ZCCHC7: variants seen among roughly 807,000 people sequenced by gnomAD.
ZCCHC7 encodes the protein zinc finger CCHC-type containing 7.
A neutral mutation model predicts 52.0 loss-of-function variants in ZCCHC7; 35 were observed. That is an observed-to-expected ratio of 0.67 (90% CI 0.51 to 0.89). The LOEUF (loss-of-function observed/expected upper bound fraction) is 0.89, where lower values mean the gene tolerates loss of function less well. ZCCHC7 is among the 40% of genes least tolerant of loss of function. The pLI is 0.00. For synonymous variants in ZCCHC7, 217 were observed against 221.5 expected (o/e 0.98, Z 0.18); for missense variants, 574 against 649.1 (o/e 0.88, Z 1.26).
At chr9:37,190,970 C>A (rs1407356727) in intron 2 of ZCCHC7, among the ~76,000 whole-genome samples, 1 of 150,736 alleles carries the variant, frequency 6.6e-6, no homozygotes, top group South Asian at 2.1e-4. Context: ...TGCGGTGAGC[C>A]GAGATCGCGC....
chr9:37,281,967 A>G (rs1413376742), intron 2 of ZCCHC7, among the ~76,000 whole-genome samples: 1 of 152,104 alleles, frequency 6.6e-6, no homozygotes, highest in Admixed American at 6.6e-5. Context: ...TCCTGCTCCC[A>G]CGTATGGTTC....
intron 2 of ZCCHC7, among the ~76,000 whole-genome samples, chr9:37,301,389 G>C (rs1829024453): frequency 6.6e-6 from 1 of 152,150 alleles, no homozygotes; most frequent in African/African-American, 2.4e-5. Flanking sequence ...TTGAGCTCAG[G>C]AGTTTGAGAC....
intron 6 of ZCCHC7, 135 bp from the exon 7 acceptor site, chr9:37,349,222 C>T (rs1406341762): frequency 7.2e-6 from 5 of 692,404 alleles, no homozygotes; most frequent in African/African-American, 3.6e-5. Flanking sequence ...TATATGGAAT[C>T]GCCTGAATAC....
chr9:37,133,875 C>T (rs929543431), intron 2 of ZCCHC7, among the ~76,000 whole-genome samples: 1 of 152,200 alleles, frequency 6.6e-6, no homozygotes, highest in Non-Finnish European at 1.5e-5. Context: ...AGGCGTGAGC[C>T]ACCGTGCCTG....
intron 2 of ZCCHC7, among the ~76,000 whole-genome samples, chr9:37,285,007 G>C (rs529765784): frequency 9.9e-5 from 15 of 152,196 alleles, no homozygotes; most frequent in African/African-American, 3.4e-4. Context: ...GTTATAAAAA[G>C]TTTCTTAAGT....
chr9:37,175,872 T>G (rs1483465460), intron 2 of ZCCHC7, among the ~76,000 whole-genome samples: 1 of 152,220 alleles, frequency 6.6e-6, no homozygotes, highest in Non-Finnish European at 1.5e-5. Flanking sequence ...CACATACTAG[T>G]ATTTAAGATT....
intron 2 of ZCCHC7, among the ~76,000 whole-genome samples, chr9:37,128,869 T>G (rs1842648239): frequency 6.6e-6 from 1 of 152,232 alleles, no homozygotes; most frequent in Non-Finnish European, 1.5e-5. Flanking sequence ...AAAATGATCT[T>G]GGGTTAGGCG....
chr9:37,312,372 A>G (rs1829638276), intron 5 of ZCCHC7, among the ~76,000 whole-genome samples: 1 of 152,226 alleles, frequency 6.6e-6, no homozygotes, highest in African/African-American at 2.4e-5. Flanking sequence ...GATGAATAAA[A>G]CATGATCCCT....
rs562202040 is a variant in ZCCHC7 at position 37,212,481 on chromosome 9, G to A, written c.610+85539G>A. 3.9e-5 allele frequency among the ~76,000 whole-genome samples: 6 copies of A among 152,262 alleles called. No homozygotes were observed. In the East Asian group the frequency reaches 1.2e-3, roughly 29 times the overall value. ...AAAAAAAATTGCTTTTCTTAAGGGT[G>A]TAATTGTGAAATAGCTTGCTTTCTT... On this transcript the variant is annotated intron_variant, in intron 2 of 8. Transcript: ENST00000336755.
chr9:37,146,725 A>T lies in ZCCHC7; in HGVS notation c.610+19783A>T, dbSNP rs1285488338. Among the ~76,000 whole-genome samples, 8 of 150,966 alleles carry T rather than the reference A, an allele frequency of 5.3e-5. 1 individual carries two copies. In the East Asian group the frequency reaches 1.3e-3, roughly 25 times the overall value. On this transcript the variant is annotated intron_variant, in intron 2 of 8. Coordinates refer to ENST00000336755, the MANE Select transcript of ZCCHC7 (RefSeq NM_032226.3). ...TTGGAAAATAAGAGAGAAGTCTTTA[A>T]TGTGCTTGTAATATGATAAGGACAG...
intron 2 of ZCCHC7, among the ~76,000 whole-genome samples, chr9:37,258,529 G>C (rs556870914): frequency 6.6e-6 from 1 of 152,038 alleles, no homozygotes. Flanking sequence ...GGCTGAGGCG[G>C]GCAGATTACT....
chr9:37,232,170 C>T (rs1407579052), intron 2 of ZCCHC7, among the ~76,000 whole-genome samples: 2 of 152,110 alleles, frequency 1.3e-5, no homozygotes, highest in Non-Finnish European at 2.9e-5. Flanking sequence ...TACAGTGCAG[C>T]AGTGAAAGGG....
At chr9:37,166,623 T>C (rs921698018) in intron 2 of ZCCHC7, among the ~76,000 whole-genome samples, 3 of 152,172 alleles carry the variant, frequency 2.0e-5, no homozygotes, top group Non-Finnish European at 2.9e-5. Context: ...TTATTTGCTC[T>C]TATTTTTCTG....
At chr9:37,172,400 T>C (rs1821777239) in intron 2 of ZCCHC7, among the ~76,000 whole-genome samples, 1 of 152,224 alleles carries the variant, frequency 6.6e-6, no homozygotes, top group South Asian at 2.1e-4. Flanking sequence ...CTTTTAAACA[T>C]TCACTTTCCC....
chr9:37,180,456 ATT>A (rs1822288145), intron 2 of ZCCHC7, among the ~76,000 whole-genome samples: 1 of 152,182 alleles, frequency 6.6e-6, no homozygotes, highest in Admixed American at 6.5e-5. Flanking sequence ...TTAAAAGTAT[ATT>A]TAGTATATAG....
chr9:37,305,812 A>T, intron 5 of ZCCHC7, 98 bp downstream of exon 5: 1 of 1,263,960 alleles, frequency 7.9e-7, no homozygotes, highest in Non-Finnish European at 1.1e-6. Context: ...AGCATACCTA[A>T]AGGAATGTTT....
chr9:37,184,236 A>G (rs975656608), intron 2 of ZCCHC7, among the ~76,000 whole-genome samples: 2 of 152,176 alleles, frequency 1.3e-5, no homozygotes, highest in South Asian at 2.1e-4. Context: ...TAATATGTGT[A>G]TGTTGTTAAC....
At chr9:37,174,240 C>T (rs1281843079) in intron 2 of ZCCHC7, among the ~76,000 whole-genome samples, 1 of 151,906 alleles carries the variant, frequency 6.6e-6, no homozygotes, top group African/African-American at 2.4e-5. Flanking sequence ...ACCTGGGAGG[C>T]GGAGGTTGCG....
At chr9:37,245,271 A>G (rs981464079) in intron 2 of ZCCHC7, among the ~76,000 whole-genome samples, 20 of 151,996 alleles carry the variant, frequency 1.3e-4, no homozygotes, top group Admixed American at 9.2e-4. Context: ...AAATGTTTCA[A>G]TAGAAAGGAT....
Sources: gnomAD v4.1 joint callset for allele counts (sites outside exome capture counted in the v4.1 genomes callset) on GRCh38, gnomAD v4.1.1 for gene constraint, MANE v1.5 for transcripts, NCBI Gene and HGNC (gene_info 2026-07-23, HGNC 2026-07-21) for gene names.